Variants in TMEM154 observed in about 807,000 individuals in gnomAD.
TMEM154 encodes the protein transmembrane protein 154.
Under a neutral mutation model 24.5 loss-of-function variants are expected in TMEM154, and 27 were observed. The observed-to-expected ratio is 1.10, with a 90% CI of 0.81 to 1.52. TMEM154 has a LOEUF of 1.52. Ranked by LOEUF, TMEM154 falls within the 40% of genes most tolerant of loss-of-function variation. The pLI is 0.00. For missense variants in TMEM154, 228 were observed against 213.4 expected (o/e 1.07, Z -0.43); for synonymous variants, 67 against 76.8 (o/e 0.87, Z 0.67).
chr4:152,647,591 AG>A (rs1285275444), intron 3 of TMEM154, among the ~76,000 whole-genome samples: 1 of 152,214 alleles, frequency 6.6e-6, no homozygotes, highest in African/African-American at 2.4e-5. Flanking sequence ...ACCAATTTTT[AG>A]TAAGGATAAT....
chr4:152,631,798 T>C (rs1752048909), intron 6 of TMEM154, among the ~76,000 whole-genome samples: 4 of 86,174 alleles, frequency 4.6e-5, no homozygotes, highest in Non-Finnish European at 2.6e-5. Flanking sequence ...TCCCCCTTTT[T>C]TTTTTTTTTT....
At chr4:152,642,362 T>A (rs900461589) in intron 5 of TMEM154, among the ~76,000 whole-genome samples, 17 of 152,182 alleles carry the variant, frequency 1.1e-4, no homozygotes, top group Non-Finnish European at 4.4e-5. Context: ...ATTCATTTAA[T>A]CTAAGTAGTA....
chr4:152,675,075 T>C (rs1728923812), intron 1 of TMEM154, among the ~76,000 whole-genome samples: 1 of 143,306 alleles, frequency 7.0e-6, no homozygotes, highest in Non-Finnish European at 1.5e-5. Flanking sequence ...AGAATCGGCT[T>C]GAACCCAGGA....
intron 1 of TMEM154, among the ~76,000 whole-genome samples, chr4:152,655,507 T>C (rs1728473432): frequency 6.6e-6 from 1 of 151,982 alleles, no homozygotes; most frequent in Admixed American, 6.5e-5. Flanking sequence ...CCAGACTGTA[T>C]CCTGCCCTAG....
In TMEM154 at chr4:152,644,397, G is replaced by A. The variant is rs1752313861; in HGVS notation, c.392+18C>T. 1 of 1,613,990 alleles carries A rather than the reference G, an allele frequency of 6.2e-7. No individual in the cohort carries two copies. The highest frequency in any genetic ancestry group is 8.5e-7 in the Non-Finnish European group (1 of 1,179,848). ...TGTTCACACCCCAGGTGGATCAGAA[G>A]CAGCAGGGAAAACTTACACTTTCAC... On this transcript the variant is annotated intron_variant, in intron 4 of 6. Coordinates refer to ENST00000304385, the MANE Select transcript of TMEM154 (RefSeq NM_152680.3).
chr4:152,639,007 A>G (rs897435440), intron 6 of TMEM154, among the ~76,000 whole-genome samples: 2 of 152,016 alleles, frequency 1.3e-5, no homozygotes, highest in Non-Finnish European at 2.9e-5. Context: ...CTGGAGTGCA[A>G]TGGTGTGATC....
At position 152,625,871 on chromosome 4, in the gene TMEM154, T is replaced by C. The variant is rs1751909087; in HGVS notation, c.*2675A>G. On this transcript the variant is annotated 3_prime_UTR_variant, in exon 7 of 7. Transcript: ENST00000304385. ...GGGCAACATAGTGAGACCCTGTCTT[T>C]AAAAAATAAAATAAAATAATTTTAC... is the stretch of plus-strand genomic sequence containing the variant. The C allele has an allele frequency of 6.6e-6, 1 of 152,070 alleles. No individual in the cohort carries two copies. The allele number at this position is 152,070 out of a possible 1,614,324, so 9.4% of individuals were successfully genotyped here. A position where few individuals can be genotyped will look rare whatever the true frequency, so the allele number is the denominator to read the frequency against.
At chr4:152,653,157 G>C (rs982518691) in intron 1 of TMEM154, among the ~76,000 whole-genome samples, 2 of 152,190 alleles carry the variant, frequency 1.3e-5, no homozygotes, top group African/African-American at 4.8e-5. Flanking sequence ...CACAAAGGTA[G>C]GCAGTTTTGC....
At chr4:152,661,769 A>G (rs1029529011) in intron 1 of TMEM154, among the ~76,000 whole-genome samples, 3 of 152,152 alleles carry the variant, frequency 2.0e-5, no homozygotes, top group East Asian at 3.9e-4. Flanking sequence ...GTTTTTAAGT[A>G]GTTTTTGAAT....
intron 1 of TMEM154, among the ~76,000 whole-genome samples, chr4:152,667,585 C>T (rs553111151): frequency 1.1e-3 from 170 of 152,272 alleles, no homozygotes; most frequent in African/African-American, 4.0e-3. Context: ...TAAGTGAAAG[C>T]CTTCACCTAA....
chr4:152,627,406 G>T lies in TMEM154; in HGVS notation c.*1140C>A, dbSNP rs1160107470. The T allele has an allele frequency of 6.6e-6, 1 of 152,230 alleles. No individual in the cohort carries two copies. Among genetic ancestry groups the T allele is most frequent in the Non-Finnish European group, 1.5e-5 (1 of 68,042 alleles). 9.4% of individuals were successfully genotyped at this position (152,230 alleles called of 1,614,324 possible). On this transcript the variant is annotated 3_prime_UTR_variant, in exon 7 of 7. Transcript: ENST00000304385. Reference sequence around the variant, plus strand: ...TTGCTAGATTGCTTTAAAGGGGTCAGATTTAGAAAATTAAGGAATAAATGA... The same window carrying T: ...TTGCTAGATTGCTTTAAAGGGGTCATATTTAGAAAATTAAGGAATAAATGA...
intron 6 of TMEM154, among the ~76,000 whole-genome samples, chr4:152,637,730 A>C (rs967093451): frequency 6.6e-6 from 1 of 152,224 alleles, no homozygotes; most frequent in Non-Finnish European, 1.5e-5. Context: ...TTAGGTCTTA[A>C]AATGAGTCTT....
chr4:152,669,151 T>G (rs1728779898), intron 1 of TMEM154: 1 of 152,244 alleles, frequency 6.6e-6, no homozygotes, highest in Admixed American at 6.5e-5. Context: ...TTTTAAAAGT[T>G]GATCTGCTCT....
intron 3 of TMEM154, among the ~76,000 whole-genome samples, chr4:152,645,175 G>T (rs1752335332): frequency 6.6e-6 from 1 of 152,054 alleles, no homozygotes. Context: ...AAGGGGCAGG[G>T]ATCGTGTCTG....
At chr4:152,629,511 T>C (rs1004668800) in intron 6 of TMEM154, among the ~76,000 whole-genome samples, 8 of 152,208 alleles carry the variant, frequency 5.3e-5, no homozygotes, top group African/African-American at 1.2e-4. Flanking sequence ...ACCTTTTTCC[T>C]GGTGGGCCCA....
intron 6 of TMEM154, among the ~76,000 whole-genome samples, chr4:152,638,610 T>C (rs986398410): frequency 6.6e-6 from 1 of 152,248 alleles, no homozygotes; most frequent in Non-Finnish European, 1.5e-5. Context: ...ATACTAGCAA[T>C]AACCAGTGCT....
At position 152,633,505 on chromosome 4, in the gene TMEM154, A is replaced by G. The variant is rs558549308; in HGVS notation, c.537-4944T>C. Reference sequence around the variant, plus strand: ...TAAACCTAGACATTTTTAATTCTGAAAAGTCCTAGAGTTCTCTGTTAAAAA... The same window carrying G: ...TAAACCTAGACATTTTTAATTCTGAGAAGTCCTAGAGTTCTCTGTTAAAAA... On this transcript the variant is annotated intron_variant, in intron 6 of 6. Coordinates refer to ENST00000304385, the MANE Select transcript of TMEM154 (RefSeq NM_152680.3). Among the ~76,000 whole-genome samples the G allele has an allele frequency of 1.0e-3, 159 of 152,342 alleles. 1 individual carries two copies. The highest frequency in any genetic ancestry group is 8.7e-4 in the Non-Finnish European group (59 of 68,040).
intron 6 of TMEM154, among the ~76,000 whole-genome samples, chr4:152,637,797 C>CTTTTAGAGAAAAAAGCTT (rs1270217744): frequency 2.6e-5 from 4 of 152,082 alleles, no homozygotes; most frequent in African/African-American, 7.2e-5. Flanking sequence ...AATTCACAAG[C>CTTTTAGAGAAAAAAGCTT]TTTTAGAGAA....
chr4:152,661,132 G>C (rs1414073369), intron 1 of TMEM154, among the ~76,000 whole-genome samples: 1 of 151,968 alleles, frequency 6.6e-6, no homozygotes, highest in Non-Finnish European at 1.5e-5. Context: ...GGTGGCCCTT[G>C]GTGGAACGGT....
Sources: allele counts gnomAD v4.1 joint callset (sites outside exome capture counted in the v4.1 genomes callset), GRCh38; gene constraint gnomAD v4.1.1; transcripts MANE v1.5; gene names NCBI Gene and HGNC (gene_info 2026-07-23, HGNC 2026-07-21).